CAMK1G: variants seen among roughly 807,000 people sequenced by gnomAD.
CAMK1G encodes the protein calcium/calmodulin dependent protein kinase IG.
CAMK1G carries 27 observed loss-of-function variants against 54.8 expected under a neutral mutation model. The ratio of observed to expected loss-of-function variants is 0.49; its 90% CI spans 0.36 to 0.68. CAMK1G has a LOEUF of 0.68. CAMK1G is among the 30% of genes least tolerant of loss of function. The pLI, the probability that CAMK1G is intolerant of heterozygous loss-of-function variation, is 0.00. For missense variants in CAMK1G, 512 were observed against 591.0 expected (o/e 0.87, Z 1.39); for synonymous variants, 238 against 224.9 (o/e 1.06, Z -0.52).
intron 6 of CAMK1G, among the ~76,000 whole-genome samples, chr1:209,606,869 A>G (rs886473586): frequency 6.6e-6 from 1 of 152,176 alleles, no homozygotes; most frequent in Admixed American, 6.5e-5. Context: ...AGCACAGGAT[A>G]TTGAATTTGG....
chr1:209,590,280 C>G (rs1665213210), intron 1 of CAMK1G, among the ~76,000 whole-genome samples: 1 of 152,112 alleles, frequency 6.6e-6, no homozygotes, highest in African/African-American at 2.4e-5. Flanking sequence ...ACATGGGCAC[C>G]CCTTTCAAAG....
intron 6 of CAMK1G, among the ~76,000 whole-genome samples, chr1:209,606,673 G>T (rs1665657877): frequency 6.6e-6 from 1 of 152,156 alleles, no homozygotes; most frequent in Non-Finnish European, 1.5e-5. Context: ...GCCCTCCAGA[G>T]TCCCTGCCTA....
At chr1:209,592,287 G>T (rs1464157708) in intron 1 of CAMK1G, among the ~76,000 whole-genome samples, 1 of 144,030 alleles carries the variant, frequency 6.9e-6, no homozygotes, top group Admixed American at 7.1e-5. Flanking sequence ...TGAGGCTGCA[G>T]TAAGGAATGA....
At chr1:209,610,688 C>T (rs1377138694) in intron 9 of CAMK1G, among the ~76,000 whole-genome samples, 3 of 152,166 alleles carry the variant, frequency 2.0e-5, no homozygotes, top group Admixed American at 6.5e-5. Flanking sequence ...AGCCCCTGAC[C>T]CCTGCAGCCC....
chr1:209,593,446 G>A (rs1665305940), intron 1 of CAMK1G, among the ~76,000 whole-genome samples: 1 of 152,102 alleles, frequency 6.6e-6, no homozygotes, highest in African/African-American at 2.4e-5. Context: ...CTGGACACCT[G>A]GTACCCTGCC....
intron 3 of CAMK1G, among the ~76,000 whole-genome samples, chr1:209,601,736 T>C (rs1255811178): frequency 6.6e-6 from 1 of 152,236 alleles, no homozygotes; most frequent in Admixed American, 6.5e-5. Context: ...CACAGGTCTA[T>C]ATTTTCTAAA....
chr1:209,599,822 T>C, intron 2 of CAMK1G, 161 bp from the exon 3 acceptor site: 1 of 423,208 alleles, frequency 2.4e-6, no homozygotes, highest in Non-Finnish European at 3.2e-6. Context: ...CTTTTTTAAA[T>C]TTTGTGCTTT....
intron 1 of CAMK1G, 132 bp from the exon 2 acceptor site, chr1:209,594,823 C>T: frequency 1.7e-6 from 1 of 571,684 alleles, no homozygotes; most frequent in Non-Finnish European, 3.1e-6. Flanking sequence ...TCCAGTTATC[C>T]AGGTTTGCTC....
intron 11 of CAMK1G, 59 bp downstream of exon 11, chr1:209,612,275 A>G: frequency 1.3e-6 from 2 of 1,566,478 alleles, no homozygotes; most frequent in Non-Finnish European, 1.7e-6. Flanking sequence ...ATCGGTCAAC[A>G]GGACTGAAAG....
At chr1:209,605,407 TTCA>T in intron 4 of CAMK1G, 126 bp from the exon 5 acceptor site, 2 of 1,106,248 alleles carry the variant, frequency 1.8e-6, no homozygotes, top group Non-Finnish European at 1.3e-6. Flanking sequence ...CTGGCAGCCC[TTCA>T]ATCACAGTTC....
intron 9 of CAMK1G, 133 bp from the exon 10 acceptor site, chr1:209,611,332 C>A: frequency 1.3e-6 from 1 of 747,716 alleles, no homozygotes; most frequent in Non-Finnish European, 2.2e-6. Flanking sequence ...GCTTGCAGCC[C>A]TTTCCTGCTG....
intron 1 of CAMK1G, among the ~76,000 whole-genome samples, chr1:209,585,674 G>A (rs1288410090): frequency 2.6e-5 from 4 of 152,234 alleles, no homozygotes; most frequent in African/African-American, 9.6e-5. Flanking sequence ...TAAAGCCTGG[G>A]AGCGATTCTA....
intron 9 of CAMK1G, 68 bp downstream of exon 9, chr1:209,609,997 A>G (rs1665742917): frequency 2.4e-6 from 3 of 1,234,784 alleles, no homozygotes; most frequent in South Asian, 1.2e-5. Context: ...TGACTCATTC[A>G]TATTGCATTT....
At chr1:209,608,698 C>T (rs1665708351) in intron 7 of CAMK1G, among the ~76,000 whole-genome samples, 1 of 152,174 alleles carries the variant, frequency 6.6e-6, no homozygotes, top group Non-Finnish European at 1.5e-5. Context: ...ATATAGCATT[C>T]ATAAGTCAGG....
At chr1:209,606,921 G>A (rs2102393314) in intron 6 of CAMK1G, among the ~76,000 whole-genome samples, 1 of 152,298 alleles carries the variant, frequency 6.6e-6, no homozygotes, top group African/African-American at 2.4e-5. Context: ...GTCCACCCAA[G>A]GAAGCACTCT....
intron 1 of CAMK1G, among the ~76,000 whole-genome samples, chr1:209,593,546 C>T (rs952708596): frequency 2.6e-5 from 4 of 152,118 alleles, no homozygotes; most frequent in African/African-American, 9.7e-5. Context: ...AAACATGTTT[C>T]TCTCTAGTAT....
At chr1:209,605,832 G>A (rs1038708679) in intron 5 of CAMK1G, among the ~76,000 whole-genome samples, 158 bp downstream of exon 5, 9 of 152,146 alleles carry the variant, frequency 5.9e-5, no homozygotes, top group Admixed American at 1.3e-4. Context: ...TTGGATGAGT[G>A]AACAATGGTT....
Position 209,600,127 on chromosome 1 carries a change from T to C in CAMK1G, c.221+16T>C. Reference sequence around the variant, plus strand: ...TGTTGAAAAAGTGAGTGGGTCTTAGTGTTGACTGGATCACTATGGGATCAC... The same window carrying C: ...TGTTGAAAAAGTGAGTGGGTCTTAGCGTTGACTGGATCACTATGGGATCAC... On this transcript the variant is annotated intron_variant, in intron 3 of 12. Coordinates refer to ENST00000361322, the MANE Select transcript of CAMK1G (RefSeq NM_020439.3). 6.2e-7 allele frequency: 1 copy of C among 1,611,950 alleles called. No homozygotes were observed. The highest frequency in any genetic ancestry group is 8.5e-7 in the Non-Finnish European group (1 of 1,179,354).
In CAMK1G at chr1:209,585,926, A is replaced by G. The variant is rs528566345; in HGVS notation, c.-30+2154A>G. 2.0e-4 allele frequency among the ~76,000 whole-genome samples: 30 copies of G among 152,370 alleles called. No homozygotes were observed. The South Asian group carries it at 4.8e-3, about 24-fold the overall frequency. ...AACTGCAGGCGCGCCGCCACGGTCAATGGCGAGGGGGTTGGGGCTGAGTGG... is the reference window on the plus strand; with the variant it reads ...AACTGCAGGCGCGCCGCCACGGTCAGTGGCGAGGGGGTTGGGGCTGAGTGG... On this transcript the variant is annotated intron_variant, in intron 1 of 12. Coordinates refer to ENST00000361322, the MANE Select transcript of CAMK1G (RefSeq NM_020439.3).
Sources: allele counts gnomAD v4.1 joint callset (sites outside exome capture counted in the v4.1 genomes callset), GRCh38; gene constraint gnomAD v4.1.1; transcripts MANE v1.5; gene names NCBI Gene and HGNC (gene_info 2026-07-23, HGNC 2026-07-21).